Variants in THSD7B observed in about 807,000 individuals in gnomAD.
The protein encoded by THSD7B is thrombospondin type-1 domain-containing protein 7B.
THSD7B carries 138 observed loss-of-function variants against 213.6 expected under a neutral mutation model. The ratio of observed to expected loss-of-function variants is 0.65; its 90% CI spans 0.56 to 0.74. The LOEUF (loss-of-function observed/expected upper bound fraction) is 0.74. Among genes scored for constraint, THSD7B ranks in the 30% least tolerant of loss-of-function variants. The probability of loss-of-function intolerance (pLI) is 0.00; values close to 1 mark genes in which losing one functional copy is unlikely to be tolerated. For synonymous variants in THSD7B, 742 were observed against 687.0 expected (o/e 1.08, Z -1.25); for missense variants, 1,931 against 1,991.5 (o/e 0.97, Z 0.58).
chr2:136,957,542 G>A (rs1235995649), intron 2 of THSD7B, among the ~76,000 whole-genome samples: 1 of 150,788 alleles, frequency 6.6e-6, no homozygotes, highest in Non-Finnish European at 1.5e-5. Flanking sequence ...TTTCATTTGT[G>A]TGACTAAAGT....
chr2:137,205,738 A>G (rs1311724370), intron 7 of THSD7B, among the ~76,000 whole-genome samples: 2 of 152,034 alleles, frequency 1.3e-5, no homozygotes, highest in African/African-American at 4.8e-5. Context: ...CAAGAGCTCT[A>G]CTTTTGAATT....
chr2:136,913,141 C>G (rs116603210), intron 2 of THSD7B, among the ~76,000 whole-genome samples: 2,509 of 152,266 alleles, frequency 0.016, 35 homozygotes, highest in Middle Eastern at 0.02. Flanking sequence ...TTTTTGGGAA[C>G]TGGAGCAAAG....
chr2:136,797,432 TA>T (rs1453240236), intron 1 of THSD7B, among the ~76,000 whole-genome samples: 1 of 151,990 alleles, frequency 6.6e-6, no homozygotes, highest in Non-Finnish European at 1.5e-5. Context: ...TCTGAGTGAA[TA>T]AACTCAAAGA....
intron 1 of THSD7B, among the ~76,000 whole-genome samples, chr2:136,854,448 C>A (rs1474596602): frequency 6.6e-6 from 1 of 151,844 alleles, no homozygotes; most frequent in African/African-American, 2.4e-5. Flanking sequence ...ATTTCCTTAA[C>A]TACACAACTT....
At chr2:137,505,530 A>G (rs765411962) in intron 15 of THSD7B, among the ~76,000 whole-genome samples, 3 of 152,208 alleles carry the variant, frequency 2.0e-5, no homozygotes, top group Non-Finnish European at 2.9e-5. Flanking sequence ...CTCATAGGCC[A>G]CTGTCTAGTC....
chr2:136,931,610 T>A (rs1303260361), intron 2 of THSD7B, among the ~76,000 whole-genome samples: 1 of 152,182 alleles, frequency 6.6e-6, no homozygotes, highest in Admixed American at 6.5e-5. Context: ...TTGCTCCCCA[T>A]GTCCCTGTGA....
At chr2:137,076,740 C>A (rs980194224) in intron 3 of THSD7B, among the ~76,000 whole-genome samples, 1 of 152,128 alleles carries the variant, frequency 6.6e-6, no homozygotes, top group African/African-American at 2.4e-5. Context: ...TCCTCCCCTC[C>A]CAAATTCTCT....
At chr2:137,122,710 A>G (rs542890654) in intron 5 of THSD7B, among the ~76,000 whole-genome samples, 48 of 152,232 alleles carry the variant, frequency 3.2e-4, no homozygotes, top group African/African-American at 1.1e-3. Flanking sequence ...CATCTTTCAC[A>G]GTCTCGGGCT....
Position 136,905,919 on chromosome 2 carries a change from C to T in THSD7B, c.139+23602C>T, listed in dbSNP as rs73957709. On this transcript the variant is annotated intron_variant, in intron 2 of 27. Transcript: ENST00000409968. Reference sequence around the variant, plus strand: ...GCATGTGCCTCTGAATCTTGAACACCGGGTGAGGAATACTTACAGCTAAAG... The same window carrying T: ...GCATGTGCCTCTGAATCTTGAACACTGGGTGAGGAATACTTACAGCTAAAG... 9.5e-3 allele frequency among the ~76,000 whole-genome samples: 1,439 copies of T among 152,224 alleles called. 23 individuals carry two copies. The highest frequency in any genetic ancestry group is 0.032 in the African/African-American group (1,349 of 41,552).
intron 20 of THSD7B, among the ~76,000 whole-genome samples, chr2:137,634,706 G>C (rs1682801692): frequency 6.6e-6 from 1 of 152,158 alleles, no homozygotes; most frequent in South Asian, 2.1e-4. Flanking sequence ...AGTCAGAATA[G>C]GGAATTACTG....
At chr2:136,955,376 C>T (rs1455029508) in intron 2 of THSD7B, among the ~76,000 whole-genome samples, 1 of 152,106 alleles carries the variant, frequency 6.6e-6, no homozygotes, top group Non-Finnish European at 1.5e-5. Flanking sequence ...CTAAATTAGC[C>T]TCACTCCAGA....
At chr2:137,451,594 A>G (rs1687653732) in intron 15 of THSD7B, among the ~76,000 whole-genome samples, 2 of 152,092 alleles carry the variant, frequency 1.3e-5, no homozygotes, top group African/African-American at 4.8e-5. Flanking sequence ...AAATAAAACC[A>G]TGATAGATCC....
At chr2:137,318,230 C>T (rs1344734800) in intron 12 of THSD7B, among the ~76,000 whole-genome samples, 1 of 152,156 alleles carries the variant, frequency 6.6e-6, no homozygotes, top group Non-Finnish European at 1.5e-5. Context: ...TTCTTCCTGA[C>T]TCTAGTTCTC....
chr2:137,497,611 G>C (rs906204474), intron 15 of THSD7B, among the ~76,000 whole-genome samples: 1 of 151,932 alleles, frequency 6.6e-6, no homozygotes, highest in Non-Finnish European at 1.5e-5. Flanking sequence ...GTATGTGTGT[G>C]TGTGTGTTAT....
intron 2 of THSD7B, among the ~76,000 whole-genome samples, chr2:136,936,618 T>C (rs2105054886): frequency 6.6e-6 from 1 of 152,198 alleles, no homozygotes; most frequent in Middle Eastern, 3.4e-3. Context: ...GGAACTAAGC[T>C]ATGAGGATGC....
At chr2:137,110,938 C>T (rs914210315) in intron 4 of THSD7B, among the ~76,000 whole-genome samples, 7 of 152,154 alleles carry the variant, frequency 4.6e-5, no homozygotes, top group Non-Finnish European at 8.8e-5. Flanking sequence ...GTACAGGTTT[C>T]CAGCCTAGGA....
intron 16 of THSD7B, among the ~76,000 whole-genome samples, chr2:137,572,070 A>G (rs1221963962): frequency 6.6e-6 from 1 of 152,184 alleles, no homozygotes; most frequent in Admixed American, 6.5e-5. Flanking sequence ...TTACAATAAA[A>G]AGAATATGCA....
intron 2 of THSD7B, among the ~76,000 whole-genome samples, chr2:137,035,245 A>G (rs539513207): frequency 7.8e-4 from 119 of 152,270 alleles, no homozygotes; most frequent in African/African-American, 2.8e-3. Flanking sequence ...ATTTAACCAT[A>G]CCCATCTCTT....
At chr2:136,932,361 A>G (rs984449014) in intron 2 of THSD7B, among the ~76,000 whole-genome samples, 5 of 152,224 alleles carry the variant, frequency 3.3e-5, no homozygotes, top group Non-Finnish European at 5.9e-5. Context: ...GAGTCATGGC[A>G]GGAAGATATG....
Sources: gnomAD v4.1 joint callset for allele counts (sites outside exome capture counted in the v4.1 genomes callset) on GRCh38, gnomAD v4.1.1 for gene constraint, MANE v1.5 for transcripts, NCBI Gene and HGNC (gene_info 2026-07-23, HGNC 2026-07-21) for gene names.